UTRN: variants seen among roughly 807,000 people sequenced by gnomAD.
The protein encoded by UTRN is utrophin.
UTRN carries 283 observed loss-of-function variants against 463.9 expected under a neutral mutation model. That is an observed-to-expected ratio of 0.61 (90% CI 0.55 to 0.67). The LOEUF (loss-of-function observed/expected upper bound fraction) is 0.67. UTRN is among the 30% of genes least tolerant of loss of function. UTRN has a pLI of 0.00. For synonymous variants in UTRN, 1,442 were observed against 1,431.5 expected (o/e 1.01, Z -0.17); for missense variants, 3,922 against 4,084.3 (o/e 0.96, Z 1.08).
intron 52 of UTRN, among the ~76,000 whole-genome samples, chr6:144,695,406 T>C (rs1586064429): frequency 2.6e-5 from 4 of 151,840 alleles, no homozygotes; most frequent in Admixed American, 2.6e-4. Context: ...TGCAGTGGCA[T>C]GATCTCAGCT....
intron 61 of UTRN, among the ~76,000 whole-genome samples, chr6:144,785,575 G>A (rs1002693771): frequency 6.6e-6 from 1 of 151,806 alleles, no homozygotes; most frequent in Non-Finnish European, 1.5e-5. Context: ...ATTTTAACAT[G>A]TACCCACCTC....
chr6:144,349,168 C>G (rs1460549652), intron 2 of UTRN, among the ~76,000 whole-genome samples: 1 of 152,124 alleles, frequency 6.6e-6, no homozygotes, highest in African/African-American at 2.4e-5. Context: ...GCCATCACGC[C>G]CGGCTAATTT....
At chr6:144,613,805 TG>T (rs1562650913) in intron 51 of UTRN, among the ~76,000 whole-genome samples, 1 of 151,996 alleles carries the variant, frequency 6.6e-6, no homozygotes, top group African/African-American at 2.4e-5. Flanking sequence ...CAAAGAAAAC[TG>T]AGGAAGGAAC....
At chr6:144,802,996 T>G in intron 64 of UTRN, 40 bp from the exon 65 acceptor site, 1 of 1,362,832 alleles carries the variant, frequency 7.3e-7, no homozygotes, top group Non-Finnish European at 9.8e-7. Flanking sequence ...GACTAAATGA[T>G]AGTAATGCAA....
At chr6:144,548,605 G>A (rs772650993) in intron 46 of UTRN, 35 bp from the exon 47 acceptor site, 46 of 1,581,994 alleles carry the variant, frequency 2.9e-5, no homozygotes, top group Non-Finnish European at 3.8e-5. Context: ...ACATCCTGTT[G>A]ATTAATTTCT....
chr6:144,349,071 G>C (rs1024136103), intron 2 of UTRN, among the ~76,000 whole-genome samples: 12 of 152,216 alleles, frequency 7.9e-5, no homozygotes, highest in Non-Finnish European at 1.8e-4. Context: ...GCGCGTGATG[G>C]GATCTCGGCT....
intron 53 of UTRN, among the ~76,000 whole-genome samples, chr6:144,723,844 C>T (rs1287819293): frequency 1.3e-5 from 2 of 150,772 alleles, no homozygotes; most frequent in African/African-American, 2.4e-5. Context: ...TCTACAAAAA[C>T]GTATGTAAAA....
rs557020493 is a variant in UTRN at position 144,691,171 on chromosome 6, C to T, written c.7653-8916C>T. Among the ~76,000 whole-genome samples the T allele has an allele frequency of 1.2e-4, 19 of 152,154 alleles. 1 individual carries two copies. In the South Asian group the frequency reaches 3.5e-3, roughly 28 times the overall value. ...TTGCTCTGCTGCCCAGGCTGGAGTG[C>T]GATGGTGCAATCTTGGCTCACTACA... On this transcript the variant is annotated intron_variant, in intron 52 of 74. Transcript: ENST00000367545.
intron 51 of UTRN, among the ~76,000 whole-genome samples, chr6:144,631,208 A>AGAGT (rs989175119): frequency 1.8e-4 from 27 of 149,074 alleles, no homozygotes; most frequent in Admixed American, 1.8e-3. Context: ...AGAGAAAGAG[A>AGAGT]GAGTGAGTGT....
chr6:144,462,076 A>G (rs1562437018), intron 22 of UTRN, among the ~76,000 whole-genome samples: 1 of 151,914 alleles, frequency 6.6e-6, no homozygotes, highest in Non-Finnish European at 1.5e-5. Context: ...CCACCCTCCA[A>G]CAGACCCCAG....
At chr6:144,836,255 A>G in intron 70 of UTRN, 46 bp from the exon 71 acceptor site, 1 of 1,611,554 alleles carries the variant, frequency 6.2e-7, no homozygotes, top group Non-Finnish European at 8.5e-7. Flanking sequence ...TGGAGAGACG[A>G]TAATGCACGT....
intron 11 of UTRN, among the ~76,000 whole-genome samples, chr6:144,438,200 A>G (rs975088166): frequency 1.4e-4 from 22 of 152,182 alleles, no homozygotes; most frequent in African/African-American, 5.1e-4. Context: ...CAGGAGACAG[A>G]GATTGCAGTG....
chr6:144,767,991 C>T (rs1353500727), intron 58 of UTRN, among the ~76,000 whole-genome samples: 2 of 152,150 alleles, frequency 1.3e-5, no homozygotes, highest in Non-Finnish European at 2.9e-5. Context: ...TTCTGATCAT[C>T]CTTTAAGGTT....
intron 51 of UTRN, among the ~76,000 whole-genome samples, chr6:144,622,027 T>C (rs186048350): frequency 3.3e-4 from 50 of 152,196 alleles, no homozygotes; most frequent in African/African-American, 1.1e-3. Context: ...TAGATCTTCA[T>C]TGTATTCGTG....
chr6:144,785,400 ATTGAAAACCTTGCCCG>A (rs1383508858), intron 61 of UTRN, among the ~76,000 whole-genome samples: 1 of 152,186 alleles, frequency 6.6e-6, no homozygotes, highest in East Asian at 1.9e-4. Context: ...CTCTTTACTA[ATTGAAAACCTTGCCCG>A]TTGAGACAGG....
At chr6:144,488,379 TAATA>T (rs912737404) in intron 29 of UTRN, among the ~76,000 whole-genome samples, 118 of 152,332 alleles carry the variant, frequency 7.7e-4, no homozygotes, top group Admixed American at 3.7e-3. Context: ...TTTAAAATTA[TAATA>T]AATAACACAT....
rs1039710417 is a variant in UTRN, at chr6:144,595,609, C to A, written c.7479+18321C>A. Among the ~76,000 whole-genome samples, 17 of 152,174 alleles carry A rather than the reference C, an allele frequency of 1.1e-4. 1 individual carries two copies. Among genetic ancestry groups the A allele is most frequent in the African/African-American group, 3.9e-4 (16 of 41,432 alleles). On this transcript the variant is annotated intron_variant, in intron 51 of 74. Coordinates refer to ENST00000367545, the MANE Select transcript of UTRN (RefSeq NM_007124.3). ...GGCTACATAAAAGGGTCCATGTCTT[C>A]AGAGCAGGACTAATAGCCCCTGAGT... is the stretch of plus-strand genomic sequence containing the variant.
chr6:144,305,115 T>G (rs1805605031), intron 2 of UTRN, among the ~76,000 whole-genome samples: 1 of 152,074 alleles, frequency 6.6e-6, no homozygotes, highest in Non-Finnish European at 1.5e-5. Context: ...TTGTATGTTT[T>G]GTAGAGACAT....
intron 50 of UTRN, among the ~76,000 whole-genome samples, chr6:144,565,896 G>T (rs1488316177): frequency 6.6e-6 from 1 of 152,088 alleles, no homozygotes; most frequent in East Asian, 1.9e-4. Context: ...TAGTGTGGGG[G>T]CTGTAAGGTT....
Sources: gnomAD v4.1 joint callset for allele counts (sites outside exome capture counted in the v4.1 genomes callset) on GRCh38, gnomAD v4.1.1 for gene constraint, MANE v1.5 for transcripts, NCBI Gene and HGNC (gene_info 2026-07-23, HGNC 2026-07-21) for gene names.